PRKG1: variants seen among roughly 807,000 people sequenced by gnomAD.
The protein encoded by PRKG1 is cGMP-dependent protein kinase 1.
Under a neutral mutation model 88.1 loss-of-function variants are expected in PRKG1, and 35 were observed. The observed-to-expected ratio is 0.40, with a 90% CI of 0.30 to 0.53. The LOEUF (loss-of-function observed/expected upper bound fraction) is 0.53. PRKG1 is among the 20% of genes least tolerant of loss of function. The pLI is 0.59. For missense variants in PRKG1, 540 were observed against 839.8 expected (o/e 0.64, Z 4.41); for synonymous variants, 303 against 292.5 (o/e 1.04, Z -0.37).
At chr10:51,350,127 C>A (rs1369142447) in intron 2 of PRKG1, among the ~76,000 whole-genome samples, 3 of 152,164 alleles carry the variant, frequency 2.0e-5, no homozygotes, top group Admixed American at 1.3e-4. Flanking sequence ...TTTGCCATAT[C>A]ATTCATATAG....
chr10:52,271,982 C>T (rs1164302169), intron 11 of PRKG1, among the ~76,000 whole-genome samples: 1 of 151,998 alleles, frequency 6.6e-6, no homozygotes, highest in Non-Finnish European at 1.5e-5. Flanking sequence ...CAAGATGTAA[C>T]ATGAATTTGA....
intron 5 of PRKG1, among the ~76,000 whole-genome samples, chr10:51,937,791 C>A (rs562194594): frequency 6.6e-6 from 1 of 152,040 alleles, no homozygotes; most frequent in East Asian, 1.9e-4. Flanking sequence ...CAGTAGTTCC[C>A]CCTTATCCAC....
intron 2 of PRKG1, among the ~76,000 whole-genome samples, chr10:51,179,853 A>T (rs1837299297): frequency 6.6e-6 from 1 of 152,148 alleles, no homozygotes; most frequent in South Asian, 2.1e-4. Flanking sequence ...CTCCCCCAAG[A>T]AGCTGTTTCT....
intron 2 of PRKG1, among the ~76,000 whole-genome samples, chr10:51,221,867 C>T (rs906027706): frequency 7.1e-6 from 1 of 140,484 alleles, no homozygotes; most frequent in Admixed American, 7.5e-5. Context: ...TCATATTTTT[C>T]TTTTCTTTCT....
chr10:52,274,535 AC>A (rs1841820603), intron 12 of PRKG1, among the ~76,000 whole-genome samples: 3 of 115,468 alleles, frequency 2.6e-5, no homozygotes, highest in Admixed American at 9.9e-5. Context: ...ATATATATAT[AC>A]ACACACACAC....
intron 2 of PRKG1, among the ~76,000 whole-genome samples, chr10:51,321,657 A>G (rs1180543583): frequency 6.6e-6 from 1 of 152,154 alleles, no homozygotes; most frequent in Non-Finnish European, 1.5e-5. Context: ...GGTACGAAAA[A>G]TAGTTAGAAA....
At chr10:51,144,963 G>A (rs994932437) in intron 1 of PRKG1, among the ~76,000 whole-genome samples, 8 of 152,214 alleles carry the variant, frequency 5.3e-5, no homozygotes, top group Non-Finnish European at 7.4e-5. Flanking sequence ...TTTACTAGCT[G>A]TATTTTTAGT....
chr10:51,652,442 C>G (rs1348960962), intron 3 of PRKG1, among the ~76,000 whole-genome samples: 2 of 151,938 alleles, frequency 1.3e-5, no homozygotes, highest in African/African-American at 4.8e-5. Flanking sequence ...TTTAGCATCT[C>G]TTAAATATAG....
At chr10:51,924,539 T>C (rs12262769) in intron 5 of PRKG1, among the ~76,000 whole-genome samples, 3,317 of 152,222 alleles carry the variant, frequency 0.022, 141 homozygotes, top group African/African-American at 0.076. Context: ...TTATTCTGTT[T>C]GATATTCTCT....
intron 2 of PRKG1, among the ~76,000 whole-genome samples, chr10:51,440,295 A>G (rs1431676488): frequency 3.9e-5 from 6 of 151,948 alleles, no homozygotes; most frequent in African/African-American, 1.4e-4. Flanking sequence ...GGCTTGACTT[A>G]CAATTTTTCA....
chr10:51,020,804 G>A (rs1220972340), intron 1 of PRKG1, among the ~76,000 whole-genome samples: 1 of 152,120 alleles, frequency 6.6e-6, no homozygotes, highest in Non-Finnish European at 1.5e-5. Context: ...CAGGGCTCTG[G>A]AGGTAAAAAA....
At chr10:51,067,172 T>C (rs1028516759) in intron 1 of PRKG1, among the ~76,000 whole-genome samples, 2 of 151,860 alleles carry the variant, frequency 1.3e-5, no homozygotes, top group African/African-American at 4.8e-5. Flanking sequence ...TTTGCTTTTT[T>C]TTTCTGTGGG....
chr10:51,079,922 G>A (rs1844064081), intron 1 of PRKG1, among the ~76,000 whole-genome samples: 1 of 152,174 alleles, frequency 6.6e-6, no homozygotes, highest in African/African-American at 2.4e-5. Flanking sequence ...CTCATTGAAA[G>A]TAATCTAACT....
At chr10:51,917,766 C>T (rs1048940756) in intron 5 of PRKG1, among the ~76,000 whole-genome samples, 3 of 152,122 alleles carry the variant, frequency 2.0e-5, no homozygotes, top group Admixed American at 6.5e-5. Context: ...GTATTTAATT[C>T]TCAACAAAGA....
chr10:51,174,123 A>G (rs9414856), intron 2 of PRKG1, among the ~76,000 whole-genome samples: 9,996 of 151,946 alleles, frequency 0.066, 693 homozygotes, highest in African/African-American at 0.17. Flanking sequence ...TAACGGATAT[A>G]TTAATTAACT....
intron 2 of PRKG1, among the ~76,000 whole-genome samples, chr10:51,236,537 C>G (rs1489295371): frequency 6.7e-6 from 1 of 149,968 alleles, no homozygotes; most frequent in Non-Finnish European, 1.5e-5. Context: ...GAGTCTTGCT[C>G]TGTCGCCCAG....
intron 9 of PRKG1, 112 bp from the exon 10 acceptor site, chr10:52,251,458 A>G: frequency 1.3e-6 from 1 of 790,826 alleles, no homozygotes; most frequent in Non-Finnish European, 2.1e-6. Flanking sequence ...AGCAAGATGG[A>G]ATGTAAGCAG....
chr10:51,041,979 C>T (rs1308685137), intron 1 of PRKG1, among the ~76,000 whole-genome samples: 1 of 152,090 alleles, frequency 6.6e-6, no homozygotes, highest in East Asian at 1.9e-4. Context: ...GGGAGCACAC[C>T]CTGCCTGAAC....
At chr10:52,105,305 T>A (rs1847389720) in intron 7 of PRKG1, among the ~76,000 whole-genome samples, 1 of 152,186 alleles carries the variant, frequency 6.6e-6, no homozygotes, top group South Asian at 2.1e-4. Flanking sequence ...GTTATAGTTT[T>A]TAGGTCGCTG....
Sources: gnomAD v4.1 joint callset for allele counts (sites outside exome capture counted in the v4.1 genomes callset) on GRCh38, gnomAD v4.1.1 for gene constraint, MANE v1.5 for transcripts, NCBI Gene and HGNC (gene_info 2026-07-23, HGNC 2026-07-21) for gene names.